PEX14: variants seen among roughly 807,000 people sequenced by gnomAD.
PEX14 encodes peroxisomal membrane protein PEX14.
PEX14 carries 15 observed loss-of-function variants against 49.5 expected under a neutral mutation model. That is an observed-to-expected ratio of 0.30 (90% CI 0.20 to 0.47). The LOEUF (loss-of-function observed/expected upper bound fraction) is 0.47. Ranked by LOEUF, PEX14 falls within the 20% of genes least tolerant of loss-of-function variation. The pLI, the probability that PEX14 is intolerant of heterozygous loss-of-function variation, is 1.00. For synonymous variants in PEX14, 210 were observed against 212.7 expected (o/e 0.99, Z 0.11); for missense variants, 398 against 494.8 (o/e 0.80, Z 1.86).
intron 3 of PEX14, among the ~76,000 whole-genome samples, chr1:10,584,444 C>T (rs1051633883): frequency 2.0e-5 from 3 of 152,172 alleles, no homozygotes; most frequent in African/African-American, 4.8e-5. Flanking sequence ...TGGTTATATA[C>T]AAGCATGAGC....
chr1:10,605,039 C>T (rs1641088707), intron 4 of PEX14, among the ~76,000 whole-genome samples: 1 of 152,066 alleles, frequency 6.6e-6, no homozygotes, highest in African/African-American at 2.4e-5. Flanking sequence ...GGCCCCTAGA[C>T]TCCCCACCCC....
At position 10,627,262 on chromosome 1, in the gene PEX14, C is replaced by G. The variant is rs1366437264; in HGVS notation, c.586-10C>G. Reference sequence around the variant, plus strand: ...CGCCCGCCCTGAGCCTCCCTGTGCTCTGCTTTCAGGCCACCACATCCACCA... The same window carrying G: ...CGCCCGCCCTGAGCCTCCCTGTGCTGTGCTTTCAGGCCACCACATCCACCA... On this transcript the variant is annotated splice_polypyrimidine_tract_variant and intron_variant, in intron 7 of 8. Coordinates refer to ENST00000356607, the MANE Select transcript of PEX14 (RefSeq NM_004565.3). 6.2e-7 allele frequency: 1 copy of G among 1,609,664 alleles called. No individual in the cohort carries two copies. Among genetic ancestry groups the G allele is most frequent in the Non-Finnish European group, 8.5e-7 (1 of 1,176,298 alleles).
chr1:10,603,570 A>G (rs1323085590), intron 4 of PEX14, among the ~76,000 whole-genome samples: 2 of 152,086 alleles, frequency 1.3e-5, no homozygotes, highest in Admixed American at 1.3e-4. Context: ...GTGATTCGAG[A>G]GAAGATTTGA....
chr1:10,597,994 C>T lies in PEX14; in HGVS notation c.170-1244C>T, dbSNP rs1570327335. Reference sequence around the variant, plus strand: ...CCCCTAGGCATGGAGTATGAGGCACCATCCTTTTGAAGATGCTGATCCTCA... The same window carrying T: ...CCCCTAGGCATGGAGTATGAGGCACTATCCTTTTGAAGATGCTGATCCTCA... On this transcript the variant is annotated intron_variant, in intron 3 of 8. Transcript: ENST00000356607. This position sits in a 1 kb window ranked among gnomAD's most constrained non-coding sequence, Gnocchi z 5.7. Among the ~76,000 whole-genome samples the T allele has an allele frequency of 6.6e-6, 1 of 152,312 alleles. No homozygotes were observed. Among genetic ancestry groups the T allele is most frequent in the East Asian group, 1.9e-4 (1 of 5,176 alleles).
At chr1:10,591,039 G>A (rs1460265028) in intron 3 of PEX14, among the ~76,000 whole-genome samples, 2 of 152,182 alleles carry the variant, frequency 1.3e-5, no homozygotes, top group African/African-American at 4.8e-5. Context: ...ACCTTGATTT[G>A]TGTCTTATAG....
chr1:10,624,274 G>A (rs1641680349), intron 6 of PEX14, 66 bp from the exon 7 acceptor site: 12 of 1,014,680 alleles, frequency 1.2e-5, no homozygotes, highest in Non-Finnish European at 1.9e-5. Flanking sequence ...CGAGGTGTGC[G>A]GACCGAGCGA....
Position 10,538,314 on chromosome 1 carries a change from C to A in PEX14, c.169+2017C>A, listed in dbSNP as rs561953860. ...ACTGGAAGGTGACTGTTTATTGGTA[C>A]AGTGGACATAATTCCTTCTTGACCC... On this transcript the variant is annotated intron_variant, in intron 3 of 8. Transcript: ENST00000356607. Among the ~76,000 whole-genome samples the A allele has an allele frequency of 4.6e-5, 7 of 152,284 alleles. No homozygotes were observed. The South Asian group carries it at 1.5e-3, about 32-fold the overall frequency.
At position 10,529,243 on chromosome 1, in the gene PEX14, C is replaced by T. The variant is rs1638575692; in HGVS notation, c.85-6970C>T. Among the ~76,000 whole-genome samples the T allele has an allele frequency of 1.3e-5, 2 of 152,208 alleles. No individual in the cohort carries two copies. Among genetic ancestry groups the T allele is most frequent in the African/African-American group, 4.8e-5 (2 of 41,440 alleles). ...CCACAAGCAAGGGTTTCATTTCTTC[C>T]AGGCCGGCGTGTACTCCACAGCTCC... On this transcript the variant is annotated intron_variant, in intron 2 of 8. Coordinates refer to ENST00000356607, the MANE Select transcript of PEX14 (RefSeq NM_004565.3). The surrounding 1 kb of genome is among the most constrained non-coding windows in gnomAD (Gnocchi z 4.2).
intron 3 of PEX14, among the ~76,000 whole-genome samples, chr1:10,564,904 C>CTTTTTTT: frequency 8.0e-6 from 1 of 125,536 alleles, no homozygotes; most frequent in Non-Finnish European, 1.6e-5. Context: ...TTTTGTATAT[C>CTTTTTTT]TTTTTTTTTT....
In PEX14 at chr1:10,618,348, A is replaced by G; in HGVS notation, c.315A>G (p.Arg105=). 3 of 1,613,916 alleles carry G rather than the reference A, an allele frequency of 1.9e-6. No homozygotes were observed. The highest frequency in any genetic ancestry group is 2.5e-6 in the Non-Finnish European group (3 of 1,180,002). The stretch of plus-strand genomic sequence containing the variant: ...CGCCTGTAGGTCCCGCAGGCTCCCG[A>G]TGGCGAGATTACGGCGCCCTGGCCA... The part of the protein sequence containing the change: ...ISQPYSPAGS[R]WRDYGALAII... The change falls in exon 5 of 9, where the codon CGA becomes CGG. Residue 105 remains arginine, a synonymous_variant. Transcript: ENST00000356607.
In PEX14 at chr1:10,629,762, G is replaced by A. The variant is rs760582465; in HGVS notation, c.909G>A (p.Val303=). 2 of 1,584,388 alleles carry A rather than the reference G, an allele frequency of 1.3e-6. No individual in the cohort carries two copies. The highest frequency in any genetic ancestry group is 8.6e-7 in the Non-Finnish European group (1 of 1,164,172). The change falls in exon 9 of 9, where the codon GTG becomes GTA. Residue 303 remains valine (V), a synonymous_variant. Transcript: ENST00000356607. This position sits in a 1 kb window ranked among gnomAD's most constrained non-coding sequence, Gnocchi z 8.5. ...LGPQEEGEGV[V]DVKGQVRMEV... is the part of the protein sequence containing the mutation. Reference sequence around the variant, plus strand: ...CCCAGGAGGAAGGCGAGGGGGTGGTGGACGTCAAGGGCCAGGTGCGGATGG... The same window carrying A: ...CCCAGGAGGAAGGCGAGGGGGTGGTAGACGTCAAGGGCCAGGTGCGGATGG...
At chr1:10,515,387 C>A (rs1641953143) in intron 2 of PEX14, among the ~76,000 whole-genome samples, 1 of 152,006 alleles carries the variant, frequency 6.6e-6, no homozygotes, top group African/African-American at 2.4e-5. Flanking sequence ...ATAATTTAAA[C>A]ATTAAAGCGC....
intron 4 of PEX14, among the ~76,000 whole-genome samples, chr1:10,615,919 T>A (rs1357768146): frequency 6.6e-6 from 1 of 152,226 alleles, no homozygotes; most frequent in Non-Finnish European, 1.5e-5. Flanking sequence ...GAAGCCTTTT[T>A]TCACAGACTG....
chr1:10,577,622 C>T (rs1360891953), intron 3 of PEX14, among the ~76,000 whole-genome samples: 9 of 84,528 alleles, frequency 1.1e-4, no homozygotes, highest in East Asian at 4.4e-4. Context: ...GACAGAGTCT[C>T]GCTCTGTCAC....
intron 4 of PEX14, among the ~76,000 whole-genome samples, chr1:10,617,736 C>T (rs969448355): frequency 1.3e-5 from 2 of 151,898 alleles, no homozygotes; most frequent in African/African-American, 4.8e-5. Context: ...TAGGCGTTCT[C>T]ATTCTCTGAA....
chr1:10,538,220 T>A (rs1011031055), intron 3 of PEX14, among the ~76,000 whole-genome samples: 2 of 152,180 alleles, frequency 1.3e-5, no homozygotes, highest in Non-Finnish European at 2.9e-5. Context: ...AGAGTTGGTG[T>A]GGGCTGGACT....
intron 6 of PEX14, 71 bp from the exon 7 acceptor site, chr1:10,624,269 T>G: frequency 2.1e-6 from 2 of 945,448 alleles, no homozygotes; most frequent in Non-Finnish European, 3.5e-6. Flanking sequence ...AGCTCCGAGG[T>G]GTGCGGACCG....
chr1:10,482,720 C>G (rs1410398242), intron 1 of PEX14, among the ~76,000 whole-genome samples: 2 of 152,152 alleles, frequency 1.3e-5, no homozygotes, highest in East Asian at 3.9e-4. Flanking sequence ...GCATGAGCCA[C>G]CGTGCCTGGC....
chr1:10,584,793 A>G (rs1640431109), intron 3 of PEX14, among the ~76,000 whole-genome samples: 1 of 152,248 alleles, frequency 6.6e-6, no homozygotes, highest in Admixed American at 6.5e-5. Flanking sequence ...ACACTAAAGG[A>G]GTTTTCAGGC....
Sources: gnomAD v4.1 joint callset for allele counts (sites outside exome capture counted in the v4.1 genomes callset) on GRCh38, gnomAD v4.1.1 for gene constraint, Gnocchi (gnomAD v3.1) non-coding constraint, MANE v1.5 for transcripts, NCBI Gene and HGNC (gene_info 2026-07-23, HGNC 2026-07-21) for gene names.